Variants in GABRB1 observed in about 807,000 individuals in gnomAD.
GABRB1 encodes gamma-aminobutyric acid type A receptor subunit beta1, also known as gamma-aminobutyric acid receptor subunit beta-1.
GABRB1 carries 17 observed loss-of-function variants against 51.6 expected under a neutral mutation model. That is an observed-to-expected ratio of 0.33 (90% CI 0.23 to 0.49). GABRB1 has a LOEUF of 0.49. Ranked by LOEUF, GABRB1 falls within the 20% of genes least tolerant of loss-of-function variation. The probability of loss-of-function intolerance (pLI) is 0.99; values close to 1 mark genes in which losing one functional copy is unlikely to be tolerated. For missense variants in GABRB1, 410 were observed against 600.6 expected (o/e 0.68, Z 3.32); for synonymous variants, 247 against 218.9 (o/e 1.13, Z -1.14).
chr4:47,076,300 A>G (rs1015253306), intron 3 of GABRB1, among the ~76,000 whole-genome samples: 1 of 152,228 alleles, frequency 6.6e-6, no homozygotes, highest in Non-Finnish European at 1.5e-5. Flanking sequence ...ACTGACTTGC[A>G]TGGGGGTTCC....
At chr4:47,219,740 C>T (rs1016483529) in intron 4 of GABRB1, among the ~76,000 whole-genome samples, 1 of 151,878 alleles carries the variant, frequency 6.6e-6, no homozygotes, top group Non-Finnish European at 1.5e-5. Context: ...GTGGAATTAC[C>T]TTATTTCCAA....
At chr4:47,353,310 A>G (rs1726430254) in intron 5 of GABRB1, among the ~76,000 whole-genome samples, 1 of 152,202 alleles carries the variant, frequency 6.6e-6, no homozygotes, top group South Asian at 2.1e-4. Context: ...CTTCCATTTC[A>G]GTGTTTTCTC....
chr4:47,354,349 G>T (rs1726474225), intron 5 of GABRB1, among the ~76,000 whole-genome samples: 1 of 152,182 alleles, frequency 6.6e-6, no homozygotes, highest in African/African-American at 2.4e-5. Flanking sequence ...GAGCTAGTGT[G>T]CTGTGTAAAT....
chr4:47,270,299 G>T (rs899532510), intron 4 of GABRB1, among the ~76,000 whole-genome samples: 1 of 152,114 alleles, frequency 6.6e-6, no homozygotes, highest in South Asian at 2.1e-4. Flanking sequence ...AATAATTCCT[G>T]CCTATTAGTA....
intron 4 of GABRB1, among the ~76,000 whole-genome samples, chr4:47,238,336 T>C (rs1220250386): frequency 1.3e-5 from 2 of 152,122 alleles, no homozygotes; most frequent in Non-Finnish European, 2.9e-5. Flanking sequence ...TCAAAAATAG[T>C]ACACAAATGG....
At chr4:47,418,580 A>G (rs1729001976) in intron 8 of GABRB1, among the ~76,000 whole-genome samples, 1 of 152,234 alleles carries the variant, frequency 6.6e-6, no homozygotes, top group Non-Finnish European at 1.5e-5. Flanking sequence ...ACTGGAAACC[A>G]CAGCCGACCA....
intron 4 of GABRB1, among the ~76,000 whole-genome samples, chr4:47,301,040 T>C (rs1724239609): frequency 6.6e-6 from 1 of 152,038 alleles, no homozygotes; most frequent in Non-Finnish European, 1.5e-5. Flanking sequence ...CAATGTAGAA[T>C]AAATTAGTGG....
chr4:47,308,263 A>T (rs560965528), intron 4 of GABRB1, among the ~76,000 whole-genome samples: 1 of 152,192 alleles, frequency 6.6e-6, no homozygotes, highest in South Asian at 2.1e-4. Flanking sequence ...TATGATTACA[A>T]ATATGCAAAA....
At chr4:47,349,334 G>A (rs768747283) in intron 5 of GABRB1, among the ~76,000 whole-genome samples, 17 of 152,130 alleles carry the variant, frequency 1.1e-4, no homozygotes, top group Non-Finnish European at 1.3e-4. Flanking sequence ...AGGAAAGAAA[G>A]AAGGAACAGC....
intron 4 of GABRB1, among the ~76,000 whole-genome samples, chr4:47,193,015 C>A (rs1448426053): frequency 6.6e-6 from 1 of 152,178 alleles, no homozygotes; most frequent in African/African-American, 2.4e-5. Context: ...GGCTTCAGAG[C>A]CTGCATGCCT....
Position 47,245,815 on chromosome 4 carries a change from T to TTTTC in GABRB1, c.462-74300_462-74297dup, listed in dbSNP as rs1202710940. Among the ~76,000 whole-genome samples the TTTTC allele has an allele frequency of 2.0e-4, 30 of 151,644 alleles. No homozygotes were observed. The East Asian group carries it at 5.0e-3, about 25-fold the overall frequency. On this transcript the variant is annotated intron_variant, in intron 4 of 8. Transcript: ENST00000295454. ...GCATACTGTGGTCTTTTCGTTTTTC[T>TTTTC]TTTCTTTCTTTCTTTTTTTTTTTTT...
At chr4:47,256,415 T>A (rs1261812767) in intron 4 of GABRB1, among the ~76,000 whole-genome samples, 1 of 152,244 alleles carries the variant, frequency 6.6e-6, no homozygotes, top group African/African-American at 2.4e-5. Context: ...CCCATGTGTG[T>A]AAGAATAATT....
intron 4 of GABRB1, among the ~76,000 whole-genome samples, chr4:47,200,604 C>T (rs1719861941): frequency 1.3e-5 from 2 of 152,082 alleles, no homozygotes; most frequent in Non-Finnish European, 2.9e-5. Context: ...GTGGAAGTGA[C>T]TGCTGGATGA....
chr4:47,149,303 C>A (rs191882060), intron 3 of GABRB1, among the ~76,000 whole-genome samples: 225 of 152,066 alleles, frequency 1.5e-3, no homozygotes, highest in Non-Finnish European at 2.5e-3. Flanking sequence ...TGTTCTGTAA[C>A]ATATTTTAGG....
chr4:47,133,885 A>T (rs1274243846), intron 3 of GABRB1, among the ~76,000 whole-genome samples: 1 of 152,160 alleles, frequency 6.6e-6, no homozygotes, highest in Non-Finnish European at 1.5e-5. Context: ...AGAATCCTTG[A>T]CACTATTTAA....
chr4:47,248,703 A>T (rs913721801), intron 4 of GABRB1, among the ~76,000 whole-genome samples: 3 of 151,988 alleles, frequency 2.0e-5, no homozygotes, highest in African/African-American at 7.2e-5. Flanking sequence ...TGGTCTGTTC[A>T]GGGTGTCTAA....
upstream of GABRB1, among the ~76,000 whole-genome samples, chr4:47,030,598 A>T (rs1281027801): frequency 6.6e-6 from 1 of 152,218 alleles, no homozygotes; most frequent in East Asian, 1.9e-4. Flanking sequence ...ACTATTTAAC[A>T]AAAGAACAAA....
chr4:47,344,859 A>G (rs1726032971), intron 5 of GABRB1, among the ~76,000 whole-genome samples: 1 of 152,094 alleles, frequency 6.6e-6, no homozygotes, highest in Non-Finnish European at 1.5e-5. Context: ...AGTAGCTGGG[A>G]CTACAGGTGT....
chr4:47,079,132 G>C (rs1441211666), intron 3 of GABRB1, among the ~76,000 whole-genome samples: 2 of 152,166 alleles, frequency 1.3e-5, no homozygotes, highest in South Asian at 2.1e-4. Context: ...CTCATAAAAT[G>C]AGTTAGGGAG....
Sources: gnomAD v4.1 joint callset for allele counts (sites outside exome capture counted in the v4.1 genomes callset) on GRCh38, gnomAD v4.1.1 for gene constraint, MANE v1.5 for transcripts, NCBI Gene and HGNC (gene_info 2026-07-23, HGNC 2026-07-21) for gene names.